Variants in GSDMB observed in about 807,000 individuals in gnomAD.
GSDMB encodes the protein gasdermin B.
A neutral mutation model predicts 42.9 loss-of-function variants in GSDMB; 32 were observed. That is an observed-to-expected ratio of 0.75 (90% CI 0.56 to 1.00). The LOEUF is 1.00. Ranked by LOEUF, GSDMB falls within the 50% of genes least tolerant of loss-of-function variation. The pLI, the probability that GSDMB is intolerant of heterozygous loss-of-function variation, is 0.00. For missense variants in GSDMB, 468 were observed against 498.5 expected, an observed-to-expected ratio of 0.94 and a Z score of 0.58; for synonymous variants, 175 against 193.7, an observed-to-expected ratio of 0.90 and a Z score of 0.80.
Position 39,904,761 on chromosome 17 carries a change from G to A in GSDMB, c.*51C>T. ...GGTAGTGGCGATGGCAGTGAGGACA[G>A]ACTGGTAAAGGGAAAACCCAGAGGC... On this transcript the variant is annotated 3_prime_UTR_variant, in exon 11 of 11. Coordinates refer to ENST00000418519, the MANE Select transcript of GSDMB (RefSeq NM_001165958.2). 6.5e-7 allele frequency: 1 copy of A among 1,542,468 alleles called. No homozygotes were observed. Among genetic ancestry groups the A allele is most frequent in the Non-Finnish European group, 8.9e-7 (1 of 1,120,794 alleles).
In GSDMB at chr17:39,909,777, G is replaced by A. The variant is rs767068031; in HGVS notation, c.555C>T (p.Gly185=). 6.2e-6 allele frequency: 10 copies of A among 1,613,820 alleles called. No individual in the cohort carries two copies. Among genetic ancestry groups the A allele is most frequent in the Admixed American group, 5.0e-5 (3 of 60,002 alleles). ...QYKFWSQISQ[G]HLSYKHKGQR... is the part of the protein sequence containing the mutation. ...TAACCTTGTGTTTATAGCTGAGATG[G>A]CCCTGAGAGATCTGGCTCCAAAATT... is the stretch of plus-strand genomic sequence containing the variant. The change falls in exon 4 of 11, where the codon GGC becomes GGT. Residue 185 remains glycine, a synonymous_variant. Transcript: ENST00000418519.
rs2063623559 is a variant in GSDMB, at chr17:39,912,218, A to C, written c.407+108T>G. 5.2e-6 allele frequency: 4 copies of C among 762,236 alleles called. No homozygotes were observed. The Admixed American group carries it at 7.8e-5, about 15-fold the overall frequency. 47.2% of individuals were successfully genotyped at this position (762,236 alleles called of 1,614,324 possible). A position where few individuals can be genotyped will look rare whatever the true frequency, so the allele number is the denominator to read the frequency against. ...GCTCATGAAAAGCAGGGAAAAGAAAAATAAAAATAAATAAATTTTAAAAAG... is the reference window on the plus strand; with the variant it reads ...GCTCATGAAAAGCAGGGAAAAGAAACATAAAAATAAATAAATTTTAAAAAG... On this transcript the variant is annotated intron_variant, in intron 3 of 10. Coordinates refer to ENST00000418519, the MANE Select transcript of GSDMB (RefSeq NM_001165958.2).
Position 39,904,599 on chromosome 17 carries a change from C to T in GSDMB, c.*213G>A. 1 of 471,380 alleles carries T rather than the reference C, an allele frequency of 2.1e-6. No individual in the cohort carries two copies. The highest frequency in any genetic ancestry group is 3.7e-6 in the Non-Finnish European group (1 of 266,852). The allele number at this position is 471,380 out of a possible 1,614,324, so 29.2% of individuals were successfully genotyped here. ...GTGAGGCTTCAAAAGACAAAATTAA[C>T]ATGCACAACCTGCCACTTTTAATCA... is the stretch of plus-strand genomic sequence containing the variant. On this transcript the variant is annotated 3_prime_UTR_variant, in exon 11 of 11. Transcript: ENST00000418519.
chr17:39,908,304 T>A, intron 5 of GSDMB, 90 bp from the exon 6 acceptor site: 1 of 480,644 alleles, frequency 2.1e-6, no homozygotes, highest in Non-Finnish European at 3.7e-6. Context: ...TCCCTCTCAA[T>A]CCCTATACCA....
Position 39,912,449 on chromosome 17 carries a change from T to C in GSDMB, c.284A>G (p.Glu95Gly). ...TTCTTTGGGTAATCTCACTATCAACTCTCCCGTTGAGTCTACATTATCCAG... is the reference window on the plus strand; with the variant it reads ...TTCTTTGGGTAATCTCACTATCAACCCTCCCGTTGAGTCTACATTATCCAG... ...QILDNVDSTG[E>G]LIVRLPKEIT... Residue 95 changes from glutamate to glycine, a missense_variant, in exon 3 of 11, where the codon GAG (glutamate) becomes GGG (glycine). Coordinates refer to ENST00000418519, the MANE Select transcript of GSDMB (RefSeq NM_001165958.2). 6.2e-7 allele frequency: 1 copy of C among 1,611,334 alleles called. No homozygotes were observed. The highest frequency in any genetic ancestry group is 1.7e-5 in the Admixed American group (1 of 60,010).
chr17:39,905,403 G>A (rs2144667264), intron 10 of GSDMB, 23 bp downstream of exon 10: 3 of 1,545,046 alleles, frequency 1.9e-6, no homozygotes, highest in Non-Finnish European at 2.7e-6. Context: ...TATGACCATG[G>A]CCCTCAGCCC....
chr17:39,917,559 C>G (rs2063735302), intron 1 of GSDMB: 1 of 473,232 alleles, frequency 2.1e-6, no homozygotes, highest in Non-Finnish European at 3.8e-6. Context: ...TTTGTTCCTG[C>G]CCCACCCTGA....
In GSDMB at chr17:39,905,882, G is replaced by T; in HGVS notation, c.992C>A (p.Ala331Glu). The T allele has an allele frequency of 6.2e-7, 1 of 1,614,028 alleles. No individual in the cohort carries two copies. The stretch of plus-strand genomic sequence containing the variant: ...ATCCAGGAAGTCCAGAATGGCTTTT[G>T]CACGCGCTTCTACCAAGACCCCAGC... The part of the protein sequence containing the change: ...NAAGVLVEAR[A>E]KAILDFLDAL... The change falls in exon 9 of 11, where the codon GCA becomes GAA. Residue 331 changes from alanine (A) to glutamate (E), a missense_variant. Physicochemically the swap from Ala to Glu is moderately radical, Grantham distance 107. Transcript: ENST00000418519.
In GSDMB at chr17:39,909,936, G is replaced by T. The variant is rs778798951; in HGVS notation, c.408-12C>A. 2 of 1,606,908 alleles carry T rather than the reference G, an allele frequency of 1.2e-6. No homozygotes were observed. The highest frequency in any genetic ancestry group is 1.7e-6 in the Non-Finnish European group (2 of 1,174,078). ...CCCTCTTCAGCTTCCTGGAGAGAGT[G>T]GAGAGAGATGAGAGTTAAGGATCTC... On this transcript the variant is annotated splice_polypyrimidine_tract_variant and intron_variant, in intron 3 of 10. Coordinates refer to ENST00000418519, the MANE Select transcript of GSDMB (RefSeq NM_001165958.2).
chr17:39,907,165 TC>T, intron 6 of GSDMB, 178 bp from the exon 7 acceptor site: 1 of 1,429,614 alleles, frequency 7.0e-7, no homozygotes, highest in Non-Finnish European at 9.2e-7. Context: ...TGCAGACCCT[TC>T]CCACATCCTC....
chr17:39,917,507 G>T (rs1568107689), intron 1 of GSDMB, 177 bp from the exon 2 acceptor site: 3 of 577,846 alleles, frequency 5.2e-6, no homozygotes, highest in Non-Finnish European at 9.3e-6. Context: ...ATCCACAAAA[G>T]AAATGAAAAT....
chr17:39,909,627 G>T, intron 4 of GSDMB, 129 bp downstream of exon 4: 3 of 767,180 alleles, frequency 3.9e-6, no homozygotes, highest in Non-Finnish European at 4.3e-6. Context: ...CTTTCTTGGG[G>T]CAAGGTGGCC....
At chr17:39,909,077 G>A (rs767974675) in intron 4 of GSDMB, 35 bp from the exon 5 acceptor site, 1 of 1,240,312 alleles carries the variant, frequency 8.1e-7, no homozygotes, top group South Asian at 1.3e-5. Context: ...GGATCCCCAG[G>A]TGTTTCTACA....
chr17:39,909,582 A>G, intron 4 of GSDMB, 174 bp downstream of exon 4: 2 of 607,804 alleles, frequency 3.3e-6, no homozygotes, highest in Non-Finnish European at 5.9e-6. Flanking sequence ...ACCGCTAGAG[A>G]GTAACAAGGG....
intron 5 of GSDMB, 157 bp from the exon 6 acceptor site, chr17:39,908,371 T>G (rs2063545450): frequency 7.4e-6 from 4 of 540,416 alleles, no homozygotes; most frequent in Admixed American, 3.2e-5. Flanking sequence ...TTTGTTTTTG[T>G]TTTTTGTTTT....
chr17:39,905,854 G>C lies in GSDMB; in HGVS notation c.1020C>G (p.Ala340=). ...AGCGAGACCCTTCCTCACCTAGCAG[G>C]GCATCCAGGAAGTCCAGAATGGCTT... ...RAKAILDFLD[A]LLELSEEQQF... The change falls in exon 9 of 11, where the codon GCC becomes GCG. Residue 340 remains alanine (A), a synonymous_variant. Coordinates refer to ENST00000418519, the MANE Select transcript of GSDMB (RefSeq NM_001165958.2). The C allele has an allele frequency of 6.2e-7, 1 of 1,613,700 alleles. No homozygotes were observed.
chr17:39,908,065 T>C (rs1007544008), intron 6 of GSDMB, 111 bp downstream of exon 6: 1 of 716,686 alleles, frequency 1.4e-6, no homozygotes, highest in African/African-American at 1.8e-5. Flanking sequence ...TTCCCACCTG[T>C]GGGTGCGTCT....
chr17:39,912,142 T>A (rs112061511), intron 3 of GSDMB, among the ~76,000 whole-genome samples, 184 bp downstream of exon 3: 17 of 151,814 alleles, frequency 1.1e-4, no homozygotes, highest in African/African-American at 3.9e-4. Context: ...GCTGAGGGAA[T>A]CCTGGAAGTA....
At chr17:39,907,727 CA>C (rs36084703) in intron 6 of GSDMB, 59,212 of 152,700 alleles carry the variant, frequency 0.39, 12,891 homozygotes, top group Non-Finnish European at 0.48. Flanking sequence ...GACTCTGTCT[CA>C]AAAAAATTAA....
Sources: gnomAD v4.1 joint callset for allele counts (sites outside exome capture counted in the v4.1 genomes callset) on GRCh38, gnomAD v4.1.1 for gene constraint, MANE v1.5 for transcripts, NCBI Gene and HGNC (gene_info 2026-07-23, HGNC 2026-07-21) for gene names.